Variants in LGALS8 observed in about 807,000 individuals in gnomAD.
LGALS8 encodes the protein galectin 8, also known as galectin-8.
Under a neutral mutation model 35.9 loss-of-function variants are expected in LGALS8, and 30 were observed. The ratio of observed to expected loss-of-function variants is 0.83; its 90% CI spans 0.62 to 1.13. The LOEUF is 1.13. Among genes scored for constraint, LGALS8 ranks in the 50% most tolerant of loss-of-function variants. LGALS8 has a pLI of 0.00. For synonymous variants in LGALS8, 138 were observed against 136.1 expected (o/e 1.01, Z -0.10); for missense variants, 366 against 388.7 (o/e 0.94, Z 0.49).
chr1:236,518,563 T>TA (rs1660465667), upstream of LGALS8: 1 of 152,212 alleles, frequency 6.6e-6, no homozygotes, highest in Admixed American at 6.5e-5. Flanking sequence ...AAAACCTACA[T>TA]ATTTTGATTA....
chr1:236,537,923 C>CCA (rs1290268426), intron 3 of LGALS8, among the ~76,000 whole-genome samples: 2 of 27,390 alleles, frequency 7.3e-5, no homozygotes, highest in Non-Finnish European at 2.5e-4. Flanking sequence ...CATAGTGAGA[C>CCA]CCCCCATCTG....
In LGALS8 at chr1:236,542,508, A is replaced by G. The variant is rs1662066561; in HGVS notation, c.523-253A>G. On this transcript the variant is annotated intron_variant, in intron 6 of 9. Coordinates refer to ENST00000366584, the MANE Select transcript of LGALS8 (RefSeq NM_201544.4). ...AAAAAATTTCATATAGTTCTATGAA[A>G]AATTATTAATTTATGGTGGAGGATA... 7 of 543,198 alleles carry G rather than the reference A, an allele frequency of 1.3e-5. No individual in the cohort carries two copies. In the South Asian group the frequency reaches 1.7e-4, roughly 13 times the overall value. The allele number at this position is 543,198 out of a possible 1,614,324, so 33.6% of individuals were successfully genotyped here. A position where few individuals can be genotyped will look rare whatever the true frequency, so the allele number is the denominator to read the frequency against.
chr1:236,546,712 C>T (rs556930991), intron 9 of LGALS8, among the ~76,000 whole-genome samples: 1 of 152,366 alleles, frequency 6.6e-6, no homozygotes, highest in Non-Finnish European at 1.5e-5. Context: ...TGCTCTGATA[C>T]AGTACAGGTA....
intron 2 of LGALS8, among the ~76,000 whole-genome samples, chr1:236,532,344 T>C (rs1661195070): frequency 6.6e-6 from 1 of 152,226 alleles, no homozygotes; most frequent in Admixed American, 6.5e-5. Flanking sequence ...GAGCCTTTGC[T>C]GCCTGACCTG....
upstream of LGALS8, among the ~76,000 whole-genome samples, chr1:236,519,634 C>T (rs538628540): frequency 6.6e-6 from 1 of 152,344 alleles, no homozygotes; most frequent in South Asian, 2.1e-4. Context: ...AGTTTCTCCT[C>T]TCCACGGATC....
chr1:236,548,510 A>AGAAAACTGTGAG lies in LGALS8; in HGVS notation c.*351_*352insAAACTGTGAGGA, dbSNP rs1558171005. On this transcript the variant is annotated 3_prime_UTR_variant, in exon 10 of 10. Transcript: ENST00000366584. ...CAGATTTTTTTTGGTAAAACTGTGA[A>AGAAAACTGTGAG]GAGCTAGGATATATACTTGGTGAAA... 21 of 285,016 alleles carry AGAAAACTGTGAG rather than the reference A, an allele frequency of 7.4e-5. No individual in the cohort carries two copies. The highest frequency in any genetic ancestry group is 9.8e-5 in the Non-Finnish European group (15 of 153,126). 17.7% of individuals were successfully genotyped at this position (285,016 alleles called of 1,614,324 possible).
At chr1:236,543,111 G>A in intron 7 of LGALS8, 2 of 1,415,718 alleles carry the variant, frequency 1.4e-6, no homozygotes, top group Non-Finnish European at 2.0e-6. Flanking sequence ...CGAGTAACCT[G>A]TATCCACAAT....
At chr1:236,519,226 CAAA>C (rs57842047), upstream of LGALS8, among the ~76,000 whole-genome samples, 6 of 142,450 alleles carry the variant, frequency 4.2e-5, no homozygotes, top group Non-Finnish European at 6.1e-5. Context: ...CCATCACTAC[CAAA>C]AAAAAAAAAA....
chr1:236,537,661 C>T (rs1362435309), intron 3 of LGALS8, 76 bp downstream of exon 3: 10 of 1,060,228 alleles, frequency 9.4e-6, no homozygotes, highest in African/African-American at 3.1e-5. Context: ...CAGAGTAAGG[C>T]GGGAGAGACC....
At chr1:236,547,301 T>TTTGAG (rs1348948236) in intron 9 of LGALS8, among the ~76,000 whole-genome samples, 3 of 152,112 alleles carry the variant, frequency 2.0e-5, no homozygotes, top group Non-Finnish European at 2.9e-5. Flanking sequence ...TTTTTCATTG[T>TTTGAG]TTGAGTTTTG....
intron 2 of LGALS8, among the ~76,000 whole-genome samples, chr1:236,527,589 C>T (rs1034622353): frequency 2.1e-4 from 32 of 152,082 alleles, no homozygotes; most frequent in African/African-American, 6.5e-4. Flanking sequence ...AAACATTTTG[C>T]GCTCTCTTTA....
At chr1:236,524,623 G>A (rs982517028) in intron 1 of LGALS8, 2 of 357,806 alleles carry the variant, frequency 5.6e-6, no homozygotes, top group Non-Finnish European at 1.1e-5. Context: ...ATGGCTGCTT[G>A]TGATGCATAC....
chr1:236,519,086 T>C (rs926282654), upstream of LGALS8, among the ~76,000 whole-genome samples: 7 of 152,094 alleles, frequency 4.6e-5, no homozygotes, highest in African/African-American at 7.2e-5. Context: ...ATTTAACATT[T>C]TGCTTGTAAG....
rs1662596525 is a variant in LGALS8 at position 236,549,183 on chromosome 1, A to C, written c.*1022A>C. 2.5e-6 allele frequency: 1 copy of C among 392,952 alleles called. No individual in the cohort carries two copies. Among genetic ancestry groups the C allele is most frequent in the Non-Finnish European group, 4.5e-6 (1 of 222,930 alleles). 24.3% of individuals were successfully genotyped at this position (392,952 alleles called of 1,614,324 possible). On this transcript the variant is annotated 3_prime_UTR_variant, in exon 10 of 10. Transcript: ENST00000366584. ...ACCAATCAAGGCCTCCGTTCTTCTA[A>C]AGATTAGTCCATCATCATTAGCAAC...
chr1:236,539,091 T>C lies in LGALS8; in HGVS notation c.345+2T>C. The C allele has an allele frequency of 2.0e-5, 33 of 1,613,104 alleles. No individual in the cohort carries two copies. The highest frequency in any genetic ancestry group is 2.7e-5 in the Non-Finnish European group (32 of 1,179,678). Reference sequence around the variant, plus strand: ...ATGGTGCTGAAGGACAAATTCCAGGTAGGTTTTGGAGAGGGACAGGTTGAG... The same window carrying C: ...ATGGTGCTGAAGGACAAATTCCAGGCAGGTTTTGGAGAGGGACAGGTTGAG... On this transcript the variant is annotated splice_donor_variant, in intron 4 of 9. Coordinates refer to ENST00000366584, the MANE Select transcript of LGALS8 (RefSeq NM_201544.4). LOFTEE classifies it high-confidence loss of function.
intron 3 of LGALS8, among the ~76,000 whole-genome samples, 183 bp from the exon 4 acceptor site, chr1:236,538,696 G>A (rs1661742770): frequency 6.6e-6 from 1 of 152,198 alleles, no homozygotes; most frequent in Non-Finnish European, 1.5e-5. Flanking sequence ...CAAACTCAGG[G>A]GCTATTTTAC....
chr1:236,545,546 G>T, intron 9 of LGALS8, among the ~76,000 whole-genome samples: 2 of 152,304 alleles, frequency 1.3e-5, no homozygotes, highest in Admixed American at 6.5e-5. Context: ...GCCTCACACA[G>T]TCACTTAGGG....
chr1:236,541,699 A>T lies in LGALS8; in HGVS notation c.511A>T (p.Ser171Cys). The change falls in exon 6 of 10, where the codon AGT (serine) becomes TGT (cysteine). Residue 171 changes from serine to cysteine, a missense_variant. Physicochemically the swap from Ser to Cys is moderately radical, Grantham distance 112 (BLOSUM62 -1). Coordinates refer to ENST00000366584, the MANE Select transcript of LGALS8 (RefSeq NM_201544.4). ...ATCTAGTCTGGAACTGACAGAGATA[A>T]GTAGAGAAAATGTAAATATTAAATC... is the stretch of plus-strand genomic sequence containing the variant. ...QASSLELTEI[S>C]RENVPKSGTP... 6.6e-7 allele frequency: 1 copy of T among 1,505,302 alleles called. No homozygotes were observed. 93.2% of individuals were successfully genotyped at this position (1,505,302 alleles called of 1,614,324 possible).
rs201253219 is a variant in LGALS8 at position 236,544,730 on chromosome 1, T to C, written c.639-20T>C. On this transcript the variant is annotated intron_variant, in intron 8 of 9. Transcript: ENST00000366584. ...CTACTTGGTTAATTAAGGTTTTTTT[T>C]TTTCTTTCTTTCTCAAAAGCTTTAA... 6,980 of 1,571,318 alleles carry C rather than the reference T, an allele frequency of 4.4e-3. 28 individuals are homozygous for C. Among genetic ancestry groups the C allele is most frequent in the Non-Finnish European group, 5.3e-3 (6,176 of 1,163,532 alleles).
Sources: gnomAD v4.1 joint callset for allele counts (sites outside exome capture counted in the v4.1 genomes callset) on GRCh38, gnomAD v4.1.1 for gene constraint, MANE v1.5 for transcripts, NCBI Gene and HGNC (gene_info 2026-07-23, HGNC 2026-07-21) for gene names.